CORO2B: variants seen among roughly 807,000 people sequenced by gnomAD.
The protein encoded by CORO2B is coronin-2B.
A neutral mutation model predicts 58.8 loss-of-function variants in CORO2B; 26 were observed. The observed-to-expected ratio is 0.44, with a 90% CI of 0.32 to 0.61. The LOEUF (loss-of-function observed/expected upper bound fraction) is 0.61. Ranked by LOEUF, CORO2B falls within the 20% of genes least tolerant of loss-of-function variation. The pLI is 0.04. For missense variants in CORO2B, 460 were observed against 645.1 expected (o/e 0.71, Z 3.11); for synonymous variants, 242 against 253.8 (o/e 0.95, Z 0.44).
intron 2 of CORO2B, among the ~76,000 whole-genome samples, chr15:68,692,570 G>GTGCTT (rs1892405626): frequency 6.7e-6 from 1 of 150,048 alleles, no homozygotes; most frequent in Non-Finnish European, 1.5e-5. Flanking sequence ...GGGCGACAGA[G>GTGCTT]TGAGACTCTG....
chr15:68,556,325 T>C, the CORO2B span, among the ~76,000 whole-genome samples: 4 of 152,112 alleles, frequency 2.6e-5, no homozygotes, highest in Non-Finnish European at 5.9e-5. Context: ...CCCCCAGGCT[T>C]CCAAAGAACA....
chr15:68,590,191 AG>A (rs1373809993), intron 1 of CORO2B, among the ~76,000 whole-genome samples: 1 of 152,062 alleles, frequency 6.6e-6, no homozygotes, highest in Non-Finnish European at 1.5e-5. Context: ...GGTGGAGGGA[AG>A]GGGAGAGGGT....
intron 2 of CORO2B, among the ~76,000 whole-genome samples, chr15:68,686,792 G>C (rs1165799648): frequency 6.6e-6 from 1 of 151,986 alleles, no homozygotes; most frequent in Non-Finnish European, 1.5e-5. Flanking sequence ...CCAGCTACTT[G>C]GGAGGCTGAG....
At chr15:68,550,111 T>G in the CORO2B span, among the ~76,000 whole-genome samples, 3 of 152,134 alleles carry the variant, frequency 2.0e-5, no homozygotes, top group East Asian at 5.8e-4. Context: ...TGGAATCAGC[T>G]GAGGGGTGGA....
intron 1 of CORO2B, among the ~76,000 whole-genome samples, chr15:68,580,663 G>C (rs371110072): frequency 2.4e-4 from 36 of 152,274 alleles, no homozygotes; most frequent in African/African-American, 8.7e-4. Context: ...AAGATGCTTA[G>C]GGTTTTGAAA....
intron 2 of CORO2B, among the ~76,000 whole-genome samples, chr15:68,666,747 T>C (rs1014920568): frequency 2.6e-5 from 4 of 152,158 alleles, no homozygotes; most frequent in African/African-American, 4.8e-5. Flanking sequence ...TCTAAGCCCA[T>C]GTGCTGGACA....
intron 1 of CORO2B, among the ~76,000 whole-genome samples, chr15:68,596,648 G>C (rs896925930): frequency 1.3e-5 from 2 of 152,150 alleles, no homozygotes; most frequent in African/African-American, 2.4e-5. Context: ...GAGGCCTGGA[G>C]CCCAGCAGCC....
chr15:68,570,799 GTTTTTTT>G, the CORO2B span, among the ~76,000 whole-genome samples: 11 of 78,770 alleles, frequency 1.4e-4, no homozygotes, highest in East Asian at 4.3e-4. Flanking sequence ...ACTACACGTA[GTTTTTTT>G]TTTTTTTTTT....
intron 2 of CORO2B, among the ~76,000 whole-genome samples, chr15:68,687,751 C>T (rs1027455845): frequency 2.0e-5 from 3 of 152,232 alleles, no homozygotes; most frequent in Admixed American, 6.5e-5. Flanking sequence ...CATCTGGCAA[C>T]GGCCTTCCTG....
the CORO2B span, among the ~76,000 whole-genome samples, chr15:68,549,054 T>G: frequency 9.1e-6 from 1 of 110,464 alleles, no homozygotes; most frequent in Non-Finnish European, 2.3e-5. Context: ...ATACTCCTCT[T>G]CTTCCTTCCT....
At chr15:68,638,154 C>T (rs1901092647) in intron 1 of CORO2B, among the ~76,000 whole-genome samples, 1 of 152,208 alleles carries the variant, frequency 6.6e-6, no homozygotes, top group Non-Finnish European at 1.5e-5. Flanking sequence ...GGCCCAGCAG[C>T]TGTGCACATC....
At chr15:68,722,984 T>C (rs1283728598) in intron 11 of CORO2B, among the ~76,000 whole-genome samples, 1 of 151,980 alleles carries the variant, frequency 6.6e-6, no homozygotes, top group Non-Finnish European at 1.5e-5. Flanking sequence ...GGAGAATCAC[T>C]TGAACCCAGG....
At chr15:68,672,159 G>GGTTTGTGTGTGTGTGT in intron 2 of CORO2B, among the ~76,000 whole-genome samples, 1 of 146,288 alleles carries the variant, frequency 6.8e-6, no homozygotes, top group Non-Finnish European at 1.5e-5. Context: ...GTAATCGGGA[G>GGTTTGTGTGTGTGTGT]GTGTGTGTGT....
intron 1 of CORO2B, among the ~76,000 whole-genome samples, chr15:68,582,746 G>A (rs1899460115): frequency 6.6e-6 from 1 of 152,214 alleles, no homozygotes; most frequent in Non-Finnish European, 1.5e-5. Context: ...GCCCTTTAGG[G>A]TGATTTCCTG....
At chr15:68,535,633 G>C in the CORO2B span, among the ~76,000 whole-genome samples, 1 of 152,178 alleles carries the variant, frequency 6.6e-6, no homozygotes, top group African/African-American at 2.4e-5. Context: ...GAGAGAGAGA[G>C]AGCACCTGCC....
chr15:68,610,064 A>T (rs1307466684), intron 1 of CORO2B, among the ~76,000 whole-genome samples: 1 of 152,172 alleles, frequency 6.6e-6, no homozygotes, highest in Non-Finnish European at 1.5e-5. Context: ...TGACAATTCC[A>T]TGTGTTATTC....
the CORO2B span, among the ~76,000 whole-genome samples, chr15:68,531,738 A>G: frequency 2.0e-5 from 3 of 151,958 alleles, no homozygotes; most frequent in East Asian, 1.9e-4. Context: ...CATATTTACT[A>G]CTTTTAATGC....
At chr15:68,602,938 G>C (rs75695290) in intron 1 of CORO2B, among the ~76,000 whole-genome samples, 2,586 of 152,296 alleles carry the variant, frequency 0.017, 36 homozygotes, top group South Asian at 0.027. Flanking sequence ...CTTGGGGCAG[G>C]GGGTGGACAC....
At chr15:68,703,394 G>A (rs1402504027) in intron 3 of CORO2B, among the ~76,000 whole-genome samples, 4 of 150,126 alleles carry the variant, frequency 2.7e-5, no homozygotes, top group African/African-American at 4.9e-5. Context: ...CAAGTGAACT[G>A]CCCGCCTGGG....
Sources: allele counts gnomAD v4.1 joint callset (sites outside exome capture counted in the v4.1 genomes callset), GRCh38; gene constraint gnomAD v4.1.1; transcripts MANE v1.5; gene names NCBI Gene and HGNC (gene_info 2026-07-23, HGNC 2026-07-21).